Variants in FOXK2 observed in about 807,000 individuals in gnomAD.
The protein encoded by FOXK2 is forkhead box K2.
Under a neutral mutation model 53.3 loss-of-function variants are expected in FOXK2, and 24 were observed. The ratio of observed to expected loss-of-function variants is 0.45; its 90% confidence interval spans 0.33 to 0.63. The LOEUF (loss-of-function observed/expected upper bound fraction) is 0.63. FOXK2 is among the 30% of genes least tolerant of loss of function. FOXK2 has a pLI of 0.03. For synonymous variants in FOXK2, 505 were observed against 407.1 expected, an observed-to-expected ratio of 1.24 and a Z score of -2.89; for missense variants, 952 against 910.5, an observed-to-expected ratio of 1.05 and a Z score of -0.59.
intron 1 of FOXK2, among the ~76,000 whole-genome samples, chr17:82,553,999 A>G (rs2044700669): frequency 6.6e-6 from 1 of 151,862 alleles, no homozygotes; most frequent in African/African-American, 2.4e-5. Context: ...ACGCCTGGGT[A>G]ATTTTTGTAT....
chr17:82,548,881 C>T (rs1021651569), intron 1 of FOXK2, among the ~76,000 whole-genome samples: 3 of 152,090 alleles, frequency 2.0e-5, no homozygotes, highest in Admixed American at 2.0e-4. Context: ...CTCCGAGGAG[C>T]GGTTGCGTCT....
At position 82,604,125 on chromosome 17, in the gene FOXK2, C is replaced by T. The variant is rs1331398584; in HGVS notation, c.*2626C>T. ...AACTCCCGCTCTCCACTGTGTTCCTCAGTGTCTGCTTTTCAGGAAGTCTGC... is the reference window on the plus strand; with the variant it reads ...AACTCCCGCTCTCCACTGTGTTCCTTAGTGTCTGCTTTTCAGGAAGTCTGC... On this transcript the variant is annotated 3_prime_UTR_variant, in exon 9 of 9. Transcript: ENST00000335255. 1 of 152,296 alleles carries T rather than the reference C, an allele frequency of 6.6e-6. No homozygotes were observed. The highest frequency in any genetic ancestry group is 1.5e-5 in the Non-Finnish European group (1 of 68,090). The allele number at this position is 152,296 out of a possible 1,614,324, so 9.4% of individuals were successfully genotyped here.
At chr17:82,555,506 G>A (rs184483460) in intron 1 of FOXK2, among the ~76,000 whole-genome samples, 99 of 152,240 alleles carry the variant, frequency 6.5e-4, no homozygotes, top group Admixed American at 1.4e-3. Context: ...CAGTTTTAAT[G>A]TATCTTGTTT....
At chr17:82,562,163 G>A (rs943516375) in intron 1 of FOXK2, among the ~76,000 whole-genome samples, 2 of 152,252 alleles carry the variant, frequency 1.3e-5, no homozygotes, top group Non-Finnish European at 2.9e-5. Context: ...CTTGAATCAT[G>A]TCAAGGAAGC....
chr17:82,569,025 A>G (rs1213085091), intron 3 of FOXK2, among the ~76,000 whole-genome samples: 1 of 152,198 alleles, frequency 6.6e-6, no homozygotes, highest in East Asian at 1.9e-4. Flanking sequence ...AAAATAAAAT[A>G]AAAAATAAAA....
At chr17:82,564,173 T>G (rs917324306) in intron 2 of FOXK2, among the ~76,000 whole-genome samples, 3 of 147,052 alleles carry the variant, frequency 2.0e-5, no homozygotes, top group Admixed American at 1.4e-4. Context: ...CTGCAACCTC[T>G]GCCTCCCAGG....
chr17:82,543,622 GTCTT>G (rs1361303756), intron 1 of FOXK2, among the ~76,000 whole-genome samples: 1 of 152,026 alleles, frequency 6.6e-6, no homozygotes, highest in Non-Finnish European at 1.5e-5. Context: ...ATAGGGAAGA[GTCTT>G]TCTTTTATTT....
At position 82,564,633 on chromosome 17, in the gene FOXK2, A is replaced by T. The variant is rs181659340; in HGVS notation, c.614+1085A>T. On this transcript the variant is annotated intron_variant, in intron 2 of 8. Transcript: ENST00000335255. ...TTTGAATTTTTTTTAGAGAGCCCAC[A>T]GCCTGAAGAACCATGAGCCAATTAA... is the stretch of plus-strand genomic sequence containing the variant. 5.3e-5 allele frequency among the ~76,000 whole-genome samples: 8 copies of T among 152,006 alleles called. No homozygotes were observed. In the East Asian group the frequency reaches 1.5e-3, roughly 29 times the overall value.
intron 1 of FOXK2, among the ~76,000 whole-genome samples, chr17:82,536,175 GC>G (rs1195107048): frequency 6.6e-6 from 1 of 152,114 alleles, no homozygotes; most frequent in Non-Finnish European, 1.5e-5. Context: ...ACGGTGCCCG[GC>G]CTGTGTTTTT....
chr17:82,584,579 C>CA (rs2045110603), intron 6 of FOXK2, among the ~76,000 whole-genome samples: 1 of 101,940 alleles, frequency 9.8e-6, no homozygotes. Flanking sequence ...TTTTTTGAGA[C>CA]AGAGTCTCAC....
intron 1 of FOXK2, among the ~76,000 whole-genome samples, chr17:82,529,706 CAG>C (rs1220995604): frequency 1.3e-5 from 2 of 152,144 alleles, no homozygotes; most frequent in African/African-American, 2.4e-5. Flanking sequence ...TTTTGTAAAA[CAG>C]AGCCTGGAGG....
At chr17:82,596,097 T>C (rs931370896) in intron 8 of FOXK2, 30 of 643,510 alleles carry the variant, frequency 4.7e-5, no homozygotes, top group South Asian at 3.1e-4. Flanking sequence ...TTAGAGTCGG[T>C]TGAGGCCACA....
chr17:82,591,645 G>C (rs2045253858), intron 8 of FOXK2, among the ~76,000 whole-genome samples: 1 of 152,176 alleles, frequency 6.6e-6, no homozygotes, highest in African/African-American at 2.4e-5. Flanking sequence ...ACGCTCCCAA[G>C]TCTCCCTGGC....
intron 8 of FOXK2, chr17:82,595,745 C>A: frequency 7.8e-7 from 1 of 1,286,456 alleles, no homozygotes; most frequent in Non-Finnish European, 1.0e-6. Context: ...GCACCTGGCT[C>A]CTGTGACTTG....
chr17:82,563,276 T>TTGTGGGGACA, intron 1 of FOXK2, 78 bp from the exon 2 acceptor site: 2 of 1,374,968 alleles, frequency 1.5e-6, no homozygotes, highest in Admixed American at 2.1e-5. Flanking sequence ...TGCTCCAGTG[T>TTGTGGGGACA]TGTGGGGACA....
chr17:82,525,147 TG>T (rs1385169467), intron 1 of FOXK2, among the ~76,000 whole-genome samples: 1 of 151,948 alleles, frequency 6.6e-6, no homozygotes, highest in African/African-American at 2.4e-5. Flanking sequence ...GGCTAATTTT[TG>T]TATTTGTATT....
chr17:82,533,179 C>T (rs941167268), intron 1 of FOXK2, among the ~76,000 whole-genome samples: 19 of 152,184 alleles, frequency 1.2e-4, no homozygotes, highest in African/African-American at 4.1e-4. Context: ...AAGCAGTATA[C>T]TCTAAATTAA....
intron 1 of FOXK2, among the ~76,000 whole-genome samples, chr17:82,529,383 G>A (rs894728747): frequency 6.7e-6 from 1 of 148,830 alleles, no homozygotes; most frequent in African/African-American, 2.5e-5. Flanking sequence ...CCACCACGCC[G>A]GCTAATTTTT....
intron 8 of FOXK2, among the ~76,000 whole-genome samples, chr17:82,596,544 T>G (rs2045314974): frequency 6.6e-6 from 1 of 152,286 alleles, no homozygotes; most frequent in African/African-American, 2.4e-5. Flanking sequence ...AGACGCACTT[T>G]CTGCGGGCAG....
Sources: gnomAD v4.1 joint callset for allele counts (sites outside exome capture counted in the v4.1 genomes callset) on GRCh38, gnomAD v4.1.1 for gene constraint, MANE v1.5 for transcripts, NCBI Gene and HGNC (gene_info 2026-07-23, HGNC 2026-07-21) for gene names.